COASY: variants seen among roughly 807,000 people sequenced by gnomAD.
COASY encodes the protein Coenzyme A synthase.
A neutral mutation model predicts 49.4 loss-of-function variants in COASY; 31 were observed. The observed-to-expected ratio is 0.63, with a 90% CI of 0.47 to 0.85. COASY has a LOEUF of 0.85. Among genes scored for constraint, COASY ranks in the 40% least tolerant of loss-of-function variants. The pLI, the probability that COASY is intolerant of heterozygous loss-of-function variation, is 0.00. For synonymous variants in COASY, 285 were observed against 310.9 expected (o/e 0.92, Z 0.88); for missense variants, 730 against 734.1 (o/e 0.99, Z 0.06).
In COASY at chr17:42,565,283, A is replaced by C; in HGVS notation, c.1359A>C (p.Arg453=). 6.2e-7 allele frequency: 1 copy of C among 1,614,114 alleles called. No individual in the cohort carries two copies. Among genetic ancestry groups the C allele is most frequent in the Non-Finnish European group, 8.5e-7 (1 of 1,180,012 alleles). Residue 453 remains arginine, a synonymous_variant, in exon 6 of 9, where the codon CGA becomes CGC. Coordinates refer to ENST00000393818, the MANE Select transcript of COASY (RefSeq NM_025233.7). ...IMWPIIAKLA[R]EEMDRAVAEG... ...GGCCAATTATCGCAAAGCTGGCCCG[A>C]GAGGAGATGGATCGGGCTGTGGCTG...
Position 42,566,180 on chromosome 17 carries a change from C to A in COASY, c.*212C>A. The A allele has an allele frequency of 1.7e-6, 1 of 594,572 alleles. No individual in the cohort carries two copies. Among genetic ancestry groups the A allele is most frequent in the Non-Finnish European group, 3.0e-6 (1 of 334,124 alleles). 36.8% of individuals were successfully genotyped at this position (594,572 alleles called of 1,614,324 possible). ...ATGTGGTTCATGGGGGAGCAGTCCC[C>A]TCCCCACTCTTGCCCATGGGTGACT... is the stretch of plus-strand genomic sequence containing the variant. On this transcript the variant is annotated 3_prime_UTR_variant, in exon 9 of 9. Coordinates refer to ENST00000393818, the MANE Select transcript of COASY (RefSeq NM_025233.7).
chr17:42,564,911 G>A lies in COASY; in HGVS notation c.1237+13G>A. ...GCCTTTGGAACAGGTAATAACTGGGGAAGGCTGAAAGTGGCCTGGAGTGAG... is the reference window on the plus strand; with the variant it reads ...GCCTTTGGAACAGGTAATAACTGGGAAAGGCTGAAAGTGGCCTGGAGTGAG... On this transcript the variant is annotated intron_variant, in intron 4 of 8. Transcript: ENST00000393818. 1 of 1,613,790 alleles carries A rather than the reference G, an allele frequency of 6.2e-7. No homozygotes were observed. The highest frequency in any genetic ancestry group is 8.5e-7 in the Non-Finnish European group (1 of 1,179,756).
Position 42,565,043 on chromosome 17 carries a change from A to G in COASY, c.1298A>G (p.Asn433Ser), listed in dbSNP as rs145251799. ...RKVLGSRVFG[N>S]KKQLKILTDI... ...GTCCTAGGCAGCCGGGTGTTTGGGA[A>G]TAAGGTAAACAATAACTTCCTAAGG... The change falls in exon 5 of 9, where the codon AAT becomes AGT. Residue 433 changes from asparagine (N) to serine (S), a missense_variant. Coordinates refer to ENST00000393818, the MANE Select transcript of COASY (RefSeq NM_025233.7). 71 of 1,614,042 alleles carry G rather than the reference A, an allele frequency of 4.4e-5. No individual in the cohort carries two copies. Among genetic ancestry groups the G allele is most frequent in the Non-Finnish European group, 5.8e-5 (69 of 1,179,988 alleles).
In COASY at chr17:42,564,836, G is replaced by C; in HGVS notation, c.1175G>C (p.Gly392Ala). 6.4e-7 allele frequency: 1 copy of C among 1,574,602 alleles called. No homozygotes were observed. Among genetic ancestry groups the C allele is most frequent in the Non-Finnish European group, 8.6e-7 (1 of 1,162,552 alleles). The change falls in exon 4 of 9, where the codon GGT becomes GCT. Residue 392 changes from glycine to alanine, a missense_variant. Coordinates refer to ENST00000393818, the MANE Select transcript of COASY (RefSeq NM_025233.7). Reference sequence around the variant, plus strand: ...TTTGTCATTGACAGTGACCACCTGGGTCATCGGGCCTATGCCCCAGGTGGC... The same window carrying C: ...TTTGTCATTGACAGTGACCACCTGGCTCATCGGGCCTATGCCCCAGGTGGC... ...GAFVIDSDHL[G>A]HRAYAPGGPA...
At position 42,563,087 on chromosome 17, in the gene COASY, T is replaced by C. The variant is rs1226511602; in HGVS notation, c.465T>C (p.Asp155=). ...TGGCCTCGGTGCTGCTATACTCCGATTATGGGATAGGAGAAGTGCCCGTGG... is the reference window on the plus strand; with the variant it reads ...TGGCCTCGGTGCTGCTATACTCCGACTATGGGATAGGAGAAGTGCCCGTGG... ...PRLASVLLYS[D]YGIGEVPVEP... is the part of the protein sequence containing the mutation. The change falls in exon 1 of 9, where the codon GAT becomes GAC. Residue 155 remains aspartate, a synonymous_variant. Transcript: ENST00000393818. The C allele has an allele frequency of 2.5e-6, 4 of 1,613,766 alleles. No individual in the cohort carries two copies. In the African/African-American group the frequency reaches 4.0e-5, roughly 16 times the overall value.
In COASY at chr17:42,563,166, G is replaced by T. The variant is rs1169644820; in HGVS notation, c.544G>T (p.Gly182Trp). 1.2e-6 allele frequency: 2 copies of T among 1,613,982 alleles called. No homozygotes were observed. Among genetic ancestry groups the T allele is most frequent in the Non-Finnish European group, 1.7e-6 (2 of 1,180,020 alleles). ...GATCAGGCCAGCTTCCCCCGTGGCC[G>T]GGTCTCCAAAGCAGCCGGTGCGTGG... is the stretch of plus-strand genomic sequence containing the variant. ...STIRPASPVAGSPKQPVRGYY... is the reference protein window; with the variant it reads ...STIRPASPVAWSPKQPVRGYY... The change falls in exon 1 of 9, where the codon GGG becomes TGG. Residue 182 changes from glycine (G) to tryptophan (W), a missense_variant. Transcript: ENST00000393818.
intron 1 of COASY, chr17:42,563,588 C>T (rs2092988252): frequency 1.9e-6 from 1 of 533,102 alleles, no homozygotes; most frequent in Non-Finnish European, 3.3e-6. Flanking sequence ...GTGATACACC[C>T]TAATGAGACA....
At position 42,564,963 on chromosome 17, in the gene COASY, T is replaced by G; in HGVS notation, c.1238-20T>G. ...AGCTAGCCAGGCCTCTGTGCTCAGT[T>G]GTCTGTCTGTGTTGTCCAGATATTC... On this transcript the variant is annotated intron_variant, in intron 4 of 8. Coordinates refer to ENST00000393818, the MANE Select transcript of COASY (RefSeq NM_025233.7). 1.2e-6 allele frequency: 2 copies of G among 1,614,156 alleles called. No individual in the cohort carries two copies. The highest frequency in any genetic ancestry group is 2.7e-5 in the African/African-American group (2 of 75,028).
rs201949834 is a variant in COASY, at chr17:42,564,462, C to T, written c.932C>T (p.Ala311Val). ...TTACCCCAGGACCTGGAGGAACTTG[C>T]TTTGTACCAGATCCAGCTGCTGAAG... ...FRLENDLEELALYQIQLLKDL... is the reference protein window; with the variant it reads ...FRLENDLEELVLYQIQLLKDL... The change falls in exon 3 of 9, where the codon GCT (alanine) becomes GTT (valine). Residue 311 changes from alanine (A) to valine (V), a missense_variant. Physicochemically the swap from Ala to Val is moderately conservative, Grantham distance 64. Coordinates refer to ENST00000393818, the MANE Select transcript of COASY (RefSeq NM_025233.7). 614 of 1,613,986 alleles carry T rather than the reference C, an allele frequency of 3.8e-4. No homozygotes were observed. The highest frequency in any genetic ancestry group is 4.9e-4 in the Non-Finnish European group (577 of 1,180,014).
intron 2 of COASY, 74 bp from the exon 3 acceptor site, chr17:42,564,372 G>C (rs1345954062): frequency 6.2e-7 from 1 of 1,602,284 alleles, no homozygotes; most frequent in Non-Finnish European, 8.5e-7. Context: ...GGGAGGATGG[G>C]GGGGCAGGTT....
rs750189095 is a variant in COASY, at chr17:42,564,732, T to C, written c.1071T>C (p.Cys357=). 1 of 1,527,368 alleles carries C rather than the reference T, an allele frequency of 6.5e-7. No homozygotes were observed. Among genetic ancestry groups the C allele is most frequent in the East Asian group, 2.3e-5 (1 of 44,282 alleles). 94.6% of individuals were successfully genotyped at this position (1,527,368 alleles called of 1,614,324 possible). Residue 357 remains cysteine, a synonymous_variant, in exon 4 of 9, where the codon TGT becomes TGC. Transcript: ENST00000393818. ...PPYERPELPT[C]LYVIGLTGIS... ...AGGAAAGGCCAGAGCTCCCCACATGTCTCTATGTAATTGGGCTGACTGGCA... is the reference window on the plus strand; with the variant it reads ...AGGAAAGGCCAGAGCTCCCCACATGCCTCTATGTAATTGGGCTGACTGGCA...
chr17:42,565,941 TC>T lies in COASY; in HGVS notation c.1671del (p.Lys558ArgfsTer69), dbSNP rs2093002628. 1 of 1,613,646 alleles carries T rather than the reference TC, an allele frequency of 6.2e-7. No individual in the cohort carries two copies. On this transcript the variant is annotated frameshift_variant, in exon 9 of 9. Transcript: ENST00000393818. LOFTEE classifies it high-confidence loss of function. ...KAWALLQKRIPKTHQALD is the reference protein window; with the variant it reads ...KAWALLQKRIXKTHQALD ...CCTGGGCCCTCTTGCAGAAGCGCATTCCCAAGACTCATCAGGCCCTCGACTG... is the reference window on the plus strand; with the variant it reads ...CCTGGGCCCTCTTGCAGAAGCGCATTCCAAGACTCATCAGGCCCTCGACTG...
chr17:42,562,285 C>T lies in COASY; in HGVS notation c.-338C>T. Reference sequence around the variant, plus strand: ...GCCTCCCTCTTCGATTCCTTGAAGACCCTGGTGCAGCTTAGCAAGAGGGCC... The same window carrying T: ...GCCTCCCTCTTCGATTCCTTGAAGATCCTGGTGCAGCTTAGCAAGAGGGCC... On this transcript the variant is annotated 5_prime_UTR_variant, in exon 1 of 9. Transcript: ENST00000393818. 1.2e-6 allele frequency: 1 copy of T among 807,124 alleles called. No individual in the cohort carries two copies. The highest frequency in any genetic ancestry group is 1.7e-5 in the African/African-American group (1 of 58,532). The allele number at this position is 807,124 out of a possible 1,614,324, so 50.0% of individuals were successfully genotyped here.
chr17:42,563,356 A>G (rs1567904195), intron 1 of COASY, 34 bp downstream of exon 1: 1 of 1,534,152 alleles, frequency 6.5e-7, no homozygotes, highest in East Asian at 2.3e-5. Flanking sequence ...AGGGTGGAGG[A>G]TCCCCAAATC....
chr17:42,563,396 A>C, intron 1 of COASY, 74 bp downstream of exon 1: 1 of 1,377,064 alleles, frequency 7.3e-7, no homozygotes, highest in Non-Finnish European at 9.8e-7. Flanking sequence ...TGCCGAGATC[A>C]AGGAAGGGTA....
Position 42,565,319 on chromosome 17 carries a change from G to A in COASY, c.1387+8G>A. ...ATCGGGCTGTGGCTGAGGGTGAGTG[G>A]GAGGGAGGATGGCAACAGCTAAGGG... On this transcript the variant is annotated splice_region_variant and intron_variant, in intron 6 of 8. Transcript: ENST00000393818. The A allele has an allele frequency of 6.2e-7, 1 of 1,614,056 alleles. No homozygotes were observed. Among genetic ancestry groups the A allele is most frequent in the Non-Finnish European group, 8.5e-7 (1 of 1,179,920 alleles).
At position 42,562,665 on chromosome 17, in the gene COASY, C is replaced by A; in HGVS notation, c.43C>A (p.Leu15Met). The A allele has an allele frequency of 6.6e-7, 1 of 1,525,154 alleles. No homozygotes were observed. 94.5% of individuals were successfully genotyped at this position (1,525,154 alleles called of 1,614,324 possible). The change falls in exon 1 of 9, where the codon CTG becomes ATG. Residue 15 changes from leucine (L) to methionine (M), a missense_variant. Transcript: ENST00000393818. ...RSGLLVLTTPLASLAPRLASI... is the reference protein window; with the variant it reads ...RSGLLVLTTPMASLAPRLASI... ...GGGTCTCCTGGTGCTGACGACGCCG[C>A]TGGCCTCCCTAGCCCCTCGCCTGGC...
chr17:42,563,363 A>C, intron 1 of COASY, 41 bp downstream of exon 1: 1 of 1,519,220 alleles, frequency 6.6e-7, no homozygotes, highest in Admixed American at 1.8e-5. Context: ...AGGATCCCCA[A>C]ATCTCCCCAC....
Position 42,564,827 on chromosome 17 carries a change from ACCACCTGGGTCATCGGGCCTATG to A in COASY, c.1169_1191del (p.His390ProfsTer20). 6.4e-7 allele frequency: 1 copy of A among 1,566,098 alleles called. No individual in the cohort carries two copies. The highest frequency in any genetic ancestry group is 8.6e-7 in the Non-Finnish European group (1 of 1,159,478). ...CTGGGGGCGTTTGTCATTGACAGTG[ACCACCTGGGTCATCGGGCCTATG>A]CCCCAGGTGGCCCTGCCTACCAGCC... is the stretch of plus-strand genomic sequence containing the variant. On this transcript the variant is annotated frameshift_variant, in exon 4 of 9. Transcript: ENST00000393818. LOFTEE classifies it high-confidence loss of function.
Sources: allele counts gnomAD v4.1 joint callset, GRCh38; gene constraint gnomAD v4.1.1; transcripts MANE v1.5; gene names NCBI Gene and HGNC (gene_info 2026-07-23, HGNC 2026-07-21).